Variants in AFDN observed in about 807,000 individuals in gnomAD.
AFDN encodes the protein afadin.
In AFDN, 68 loss-of-function variants were observed where a neutral mutation model predicts 216.6. The observed-to-expected ratio is 0.31, with a 90% CI of 0.26 to 0.38. The LOEUF is 0.38. Among genes scored for constraint, AFDN ranks in the 10% least tolerant of loss-of-function variants. The pLI is 1.00. For missense variants in AFDN, 2,136 were observed against 2,342.0 expected (o/e 0.91, Z 1.82); for synonymous variants, 868 against 853.7 (o/e 1.02, Z -0.29).
intron 1 of AFDN, among the ~76,000 whole-genome samples, chr6:167,857,052 C>T (rs149326708): frequency 2.0e-5 from 3 of 152,212 alleles, no homozygotes; most frequent in Non-Finnish European, 4.4e-5. Context: ...GTTATTTATA[C>T]TCACACTGTA....
intron 27 of AFDN, 85 bp from the exon 28 acceptor site, chr6:167,947,768 A>C: frequency 1.2e-6 from 1 of 807,286 alleles, no homozygotes; most frequent in Admixed American, 2.3e-5. Context: ...TATGAAGATG[A>C]ATGAGGTCTT....
At chr6:167,882,971 C>T (rs1320589242) in intron 6 of AFDN, among the ~76,000 whole-genome samples, 2 of 151,958 alleles carry the variant, frequency 1.3e-5, no homozygotes, top group Non-Finnish European at 2.9e-5. Context: ...TGAAATGATT[C>T]CCCATCCAGA....
intron 1 of AFDN, among the ~76,000 whole-genome samples, chr6:167,862,693 T>G (rs960472526): frequency 3.3e-5 from 5 of 152,174 alleles, no homozygotes; most frequent in African/African-American, 7.2e-5. Flanking sequence ...GGTTTTAGGG[T>G]TGCCAGACTA....
At chr6:167,963,699 T>C in intron 31 of AFDN, 2 of 1,061,190 alleles carry the variant, frequency 1.9e-6, no homozygotes, top group Non-Finnish European at 2.3e-6. Flanking sequence ...CTGTTGAATC[T>C]GAACAGCATT....
chr6:167,880,287 A>G (rs1785951605), intron 5 of AFDN, 73 bp from the exon 6 acceptor site: 2 of 1,398,184 alleles, frequency 1.4e-6, no homozygotes, highest in Non-Finnish European at 2.0e-6. Flanking sequence ...TTCTCAAGTG[A>G]CTGTAAATGT....
intron 10 of AFDN, among the ~76,000 whole-genome samples, chr6:167,897,281 A>G (rs934159679): frequency 6.6e-6 from 1 of 152,224 alleles, no homozygotes; most frequent in Non-Finnish European, 1.5e-5. Flanking sequence ...GATATAACCT[A>G]TGCAGAAGTG....
intron 30 of AFDN, chr6:167,954,478 C>G (rs1351835520): frequency 1.2e-6 from 2 of 1,600,754 alleles, no homozygotes; most frequent in African/African-American, 1.3e-5. Flanking sequence ...TGCCAGCAAT[C>G]TCTGTTCTAG....
chr6:167,847,135 TC>T (rs994142914), intron 1 of AFDN, among the ~76,000 whole-genome samples: 9 of 152,200 alleles, frequency 5.9e-5, no homozygotes, highest in Admixed American at 2.6e-4. Flanking sequence ...TGCTGACACA[TC>T]CAGTCGTTTA....
chr6:167,927,849 G>C (rs552573683), intron 23 of AFDN, among the ~76,000 whole-genome samples: 4 of 152,214 alleles, frequency 2.6e-5, no homozygotes, highest in Non-Finnish European at 4.4e-5. Context: ...AAGGGGAACT[G>C]TCAGCCATAG....
chr6:167,967,858 C>G (rs942242850), intron 32 of AFDN, among the ~76,000 whole-genome samples: 1 of 152,162 alleles, frequency 6.6e-6, no homozygotes, highest in African/African-American at 2.4e-5. Context: ...GTTTGTGTCG[C>G]GAGCACTCTG....
chr6:167,857,049 A>G (rs922054591), intron 1 of AFDN, among the ~76,000 whole-genome samples: 7 of 152,140 alleles, frequency 4.6e-5, no homozygotes, highest in African/African-American at 7.2e-5. Flanking sequence ...CTCGTTATTT[A>G]TACTCACACT....
rs561600815 is a variant in AFDN, at chr6:167,964,901, C to T, written c.4969-856C>T. ...CTCTAAAACTTTTGTCAATCTTTAA[C>T]AAAACTGTGCTGTTACCTTTTTTAA... On this transcript the variant is annotated intron_variant, in intron 31 of 33. Transcript: ENST00000683244. 138 of 1,062,908 alleles carry T rather than the reference C, an allele frequency of 1.3e-4. No individual in the cohort carries two copies. The African/African-American group carries it at 2.0e-3, about 16-fold the overall frequency. The allele number at this position is 1,062,908 out of a possible 1,614,324, so 65.8% of individuals were successfully genotyped here.
At chr6:167,953,111 G>T (rs1369886355) in intron 30 of AFDN, among the ~76,000 whole-genome samples, 2 of 152,074 alleles carry the variant, frequency 1.3e-5, no homozygotes, top group Non-Finnish European at 2.9e-5. Context: ...GTGTTCATGA[G>T]TTTTAGTGAT....
chr6:167,917,109 G>A lies in AFDN; in HGVS notation c.2586G>A (p.Met862Ile), dbSNP rs1791180271. 6.2e-7 allele frequency: 1 copy of A among 1,612,570 alleles called. No homozygotes were observed. The highest frequency in any genetic ancestry group is 8.5e-7 in the Non-Finnish European group (1 of 1,179,468). Residue 862 changes from methionine to isoleucine, a missense_variant, in exon 20 of 34, where the codon ATG becomes ATA. This residue lies in a region of AFDN where 162 missense variants were observed against 182.6 expected (regional missense o/e 0.89). Transcript: ENST00000683244. ...CATAGGCAACGACTTTGCTTACCAT[G>A]GATAAGTATGCACCTGATGACATTC... ...RIVQATTLLT[M>I]DKYAPDDIPN... is the part of the protein sequence containing the mutation.
chr6:167,925,676 C>T (rs375930597), intron 23 of AFDN, among the ~76,000 whole-genome samples: 14 of 152,156 alleles, frequency 9.2e-5, no homozygotes, highest in Admixed American at 9.2e-4. Flanking sequence ...GTTTGAATCC[C>T]TTCACCTGCT....
chr6:167,918,676 G>T (rs2273134), intron 20 of AFDN, 59 bp from the exon 21 acceptor site: 3 of 1,492,932 alleles, frequency 2.0e-6, no homozygotes, highest in East Asian at 2.3e-5. Flanking sequence ...AATAGTTGTT[G>T]GTCACATGCA....
At chr6:167,934,126 G>A (rs1425561501) in intron 23 of AFDN, among the ~76,000 whole-genome samples, 1 of 152,180 alleles carries the variant, frequency 6.6e-6, no homozygotes, top group African/African-American at 2.4e-5. Context: ...TGTCGCGTGC[G>A]GTCTTTGGGG....
At chr6:167,959,326 C>T (rs1368764050) in intron 30 of AFDN, among the ~76,000 whole-genome samples, 5 of 152,224 alleles carry the variant, frequency 3.3e-5, no homozygotes, top group Admixed American at 6.5e-5. Context: ...TTAATACATT[C>T]TACCACTGTG....
chr6:167,842,050 A>G (rs768732522), intron 1 of AFDN, among the ~76,000 whole-genome samples: 3 of 151,774 alleles, frequency 2.0e-5, no homozygotes, highest in African/African-American at 2.4e-5. Flanking sequence ...TTGTCTCATC[A>G]TTCATTAAAC....
Sources: gnomAD v4.1 joint callset for allele counts (sites outside exome capture counted in the v4.1 genomes callset) on GRCh38, gnomAD v4.1.1 for gene constraint, gnomAD v4.1.1 regional missense constraint, MANE v1.5 for transcripts, NCBI Gene and HGNC (gene_info 2026-07-23, HGNC 2026-07-21) for gene names.